Variants in ARHGAP5 observed in about 807,000 individuals in gnomAD.
ARHGAP5 encodes Rho GTPase activating protein 5.
In ARHGAP5, 23 loss-of-function variants were observed where a neutral mutation model predicts 116.6. That is an observed-to-expected ratio of 0.20 (90% confidence interval 0.14 to 0.28). ARHGAP5 has a LOEUF of 0.28. Ranked by LOEUF, ARHGAP5 falls within the 10% of genes least tolerant of loss-of-function variation. ARHGAP5 has a pLI of 1.00. For synonymous variants in ARHGAP5, 574 were observed against 602.0 expected (o/e 0.95, Z 0.68); for missense variants, 1,405 against 1,774.8 (o/e 0.79, Z 3.74).
chr14:32,096,110 CGT>C (rs1878513213), intron 2 of ARHGAP5, among the ~76,000 whole-genome samples: 1 of 149,986 alleles, frequency 6.7e-6, no homozygotes, highest in Non-Finnish European at 1.5e-5. Context: ...TGCGTGCGCA[CGT>C]GTGTGTGTGT....
intron 2 of ARHGAP5, among the ~76,000 whole-genome samples, chr14:32,102,788 A>G (rs1165209615): frequency 6.6e-6 from 1 of 152,188 alleles, no homozygotes; most frequent in Non-Finnish European, 1.5e-5. Flanking sequence ...AGAACTGTTC[A>G]TGTGTTTAAC....
At position 32,091,380 on chromosome 14, in the gene ARHGAP5, A is replaced by G; in HGVS notation, c.711A>G (p.Thr237=). ...TSARFNVNIE[T]CFTALVQMLD... ...CACGATTTAATGTCAACATTGAAAC[A>G]TGTTTTACTGCACTGGTACAAATGT... Residue 237 remains threonine (T), a synonymous_variant, in exon 2 of 7, where the codon ACA becomes ACG. Coordinates refer to ENST00000345122, the MANE Select transcript of ARHGAP5 (RefSeq NM_001030055.2). 5 of 1,611,872 alleles carry G rather than the reference A, an allele frequency of 3.1e-6. No individual in the cohort carries two copies. The highest frequency in any genetic ancestry group is 2.2e-5 in the South Asian group (2 of 90,320).
At chr14:32,133,841 CAT>C (rs1880640687) in intron 3 of ARHGAP5, among the ~76,000 whole-genome samples, 1 of 152,140 alleles carries the variant, frequency 6.6e-6, no homozygotes, top group African/African-American at 2.4e-5. Context: ...TTGAGATAAT[CAT>C]GTGGTTTTTG....
At chr14:32,154,483 T>C in intron 6 of ARHGAP5, 138 bp from the exon 7 acceptor site, 1 of 787,278 alleles carries the variant, frequency 1.3e-6, no homozygotes, top group Non-Finnish European at 2.0e-6. Flanking sequence ...TTAAAGATGC[T>C]TCTTTATGCA....
chr14:32,154,596 ATG>A (rs1220945668), intron 6 of ARHGAP5, 23 bp from the exon 7 acceptor site: 1 of 1,514,370 alleles, frequency 6.6e-7, no homozygotes, highest in Admixed American at 1.9e-5. Context: ...TGATTTCTAA[ATG>A]TTTTTTCCTT....
At position 32,105,358 on chromosome 14, in the gene ARHGAP5, T is replaced by C. The variant is rs926611584; in HGVS notation, c.3717+10972T>C. On this transcript the variant is annotated intron_variant, in intron 2 of 6. Coordinates refer to ENST00000345122, the MANE Select transcript of ARHGAP5 (RefSeq NM_001030055.2). Reference sequence around the variant, plus strand: ...ATTATTCTGCTATAAAATGTGTTGCTTCCGTTCCATTTTCATACTAGTTGA... The same window carrying C: ...ATTATTCTGCTATAAAATGTGTTGCCTCCGTTCCATTTTCATACTAGTTGA... 1.3e-4 allele frequency among the ~76,000 whole-genome samples: 20 copies of C among 152,246 alleles called. 1 individual carries two copies. Among genetic ancestry groups the C allele is most frequent in the Non-Finnish European group, 4.4e-5 (3 of 68,040 alleles).
chr14:32,108,740 T>G (rs1429943439), intron 2 of ARHGAP5, among the ~76,000 whole-genome samples: 1 of 152,114 alleles, frequency 6.6e-6, no homozygotes. Flanking sequence ...AAATATGATT[T>G]TAGATCTCTT....
intron 1 of ARHGAP5, among the ~76,000 whole-genome samples, chr14:32,088,860 A>G (rs527716441): frequency 1.3e-4 from 20 of 152,094 alleles, no homozygotes; most frequent in African/African-American, 4.6e-4. Flanking sequence ...TTAAAAAATG[A>G]TTTATAGATA....
At chr14:32,084,946 C>T (rs1328301192) in intron 1 of ARHGAP5, among the ~76,000 whole-genome samples, 1 of 151,904 alleles carries the variant, frequency 6.6e-6, no homozygotes, top group East Asian at 1.9e-4. Flanking sequence ...GTGTTTGAGG[C>T]TGCAGTAAGC....
chr14:32,144,157 A>C (rs903378644), intron 3 of ARHGAP5, among the ~76,000 whole-genome samples: 3 of 152,216 alleles, frequency 2.0e-5, no homozygotes, highest in Non-Finnish European at 4.4e-5. Flanking sequence ...GATAGCAGGG[A>C]ACGTGTCAAT....
rs868707552 is a variant in ARHGAP5, at chr14:32,140,069, T to C, written c.3866-6194T>C. ...TATTCCACTTCCTTTTCTCTCTCTT[T>C]TTTTTTTTTTTTTTTAGGTTATTTG... is the stretch of plus-strand genomic sequence containing the variant. On this transcript the variant is annotated intron_variant, in intron 3 of 6. Transcript: ENST00000345122. Among the ~76,000 whole-genome samples the C allele has an allele frequency of 8.0e-3, 1,163 of 144,676 alleles. 27 individuals carry two copies. Among genetic ancestry groups the C allele is most frequent in the African/African-American group, 0.028 (1,073 of 38,750 alleles). The allele number at this position is 144,676 out of a possible 152,430, so 94.9% of individuals were successfully genotyped here.
chr14:32,094,600 A>C (rs1878432395), intron 2 of ARHGAP5, among the ~76,000 whole-genome samples: 1 of 152,152 alleles, frequency 6.6e-6, no homozygotes, highest in Non-Finnish European at 1.5e-5. Context: ...TTCAGCATAA[A>C]AATTCTTGGT....
rs1380698367 is a variant in ARHGAP5 at position 32,117,141 on chromosome 14, A to G, written c.3719A>G (p.Gln1240Arg). 1 of 1,591,550 alleles carries G rather than the reference A, an allele frequency of 6.3e-7. No homozygotes were observed. The highest frequency in any genetic ancestry group is 8.6e-7 in the Non-Finnish European group (1 of 1,169,504). ...KTHKVKEDKKQKKKTKNFNPP... is the reference protein window; with the variant it reads ...KTHKVKEDKKRKKKTKNFNPP... ...TAACTTAAATATGTTTTCTTATAGCAGAAAAAGAAAACTAAGAACTTCAAT... is the reference window on the plus strand; with the variant it reads ...TAACTTAAATATGTTTTCTTATAGCGGAAAAAGAAAACTAAGAACTTCAAT... The change falls in exon 3 of 7, where the codon CAG (glutamine) becomes CGG (arginine). Residue 1240 changes from glutamine to arginine, a missense_variant and splice_region_variant. Physicochemically the swap from Gln to Arg is conservative, Grantham distance 43. Around this residue, in one of 6 missense-constraint regions of ARHGAP5, gnomAD observed 176 missense variants for 221.2 expected, o/e 0.80. Coordinates refer to ENST00000345122, the MANE Select transcript of ARHGAP5 (RefSeq NM_001030055.2).
chr14:32,131,210 A>G (rs1232385724), intron 3 of ARHGAP5, among the ~76,000 whole-genome samples: 1 of 150,134 alleles, frequency 6.7e-6, no homozygotes, highest in Non-Finnish European at 1.5e-5. Flanking sequence ...TATCAATCCA[A>G]GGTCCCAGCA....
At chr14:32,136,971 A>G (rs895556931) in intron 3 of ARHGAP5, among the ~76,000 whole-genome samples, 5 of 151,678 alleles carry the variant, frequency 3.3e-5, no homozygotes, top group African/African-American at 1.2e-4. Flanking sequence ...GATTCCTAGT[A>G]CTGGACTTTT....
At position 32,091,636 on chromosome 14, in the gene ARHGAP5, A is replaced by G; in HGVS notation, c.967A>G (p.Ile323Val). 1.2e-6 allele frequency: 2 copies of G among 1,612,032 alleles called. No homozygotes were observed. The highest frequency in any genetic ancestry group is 1.7e-5 in the Admixed American group (1 of 59,818). ...GGCCAGAAATACATTCTCAAAACAT[A>G]TAGAACAACTTAAACAGGAACATAT... The part of the protein sequence containing the change: ...RKARNTFSKH[I>V]EQLKQEHIRK... The change falls in exon 2 of 7, where the codon ATA becomes GTA. Residue 323 changes from isoleucine to valine, a missense_variant. Coordinates refer to ENST00000345122, the MANE Select transcript of ARHGAP5 (RefSeq NM_001030055.2).
intron 2 of ARHGAP5, among the ~76,000 whole-genome samples, chr14:32,115,802 T>A (rs1235295680): frequency 1.7e-5 from 2 of 120,250 alleles, no homozygotes; most frequent in Non-Finnish European, 1.7e-5. Flanking sequence ...AAACCCCATC[T>A]CTACTAAAAA....
chr14:32,123,471 C>T (rs1045694470), intron 3 of ARHGAP5, among the ~76,000 whole-genome samples: 3 of 151,774 alleles, frequency 2.0e-5, no homozygotes, highest in African/African-American at 7.3e-5. Context: ...TGTCTTTGGG[C>T]ATATAAAATT....
chr14:32,081,888 A>G (rs528829150), intron 1 of ARHGAP5, among the ~76,000 whole-genome samples: 14 of 152,214 alleles, frequency 9.2e-5, no homozygotes, highest in Admixed American at 2.0e-4. Context: ...TAACATTACT[A>G]TAATCTAGAG....
Sources: allele counts gnomAD v4.1 joint callset (sites outside exome capture counted in the v4.1 genomes callset), GRCh38; gene constraint gnomAD v4.1.1; regional missense constraint gnomAD v4.1.1; transcripts MANE v1.5; gene names NCBI Gene and HGNC (gene_info 2026-07-23, HGNC 2026-07-21).